The following EPRS1 variants were observed in gnomAD, a reference collection of about 807,000 sequenced individuals.
The protein encoded by EPRS1 is glutamyl-prolyl-tRNA synthetase 1.
Under a neutral mutation model 188.3 loss-of-function variants are expected in EPRS1, and 107 were observed. The observed-to-expected ratio is 0.57, with a 90% CI of 0.49 to 0.67. EPRS1 has a LOEUF of 0.67. EPRS1 is among the 30% of genes least tolerant of loss of function. EPRS1 has a pLI of 0.00. For missense variants in EPRS1, 1,577 were observed against 1,802.2 expected (o/e 0.88, Z 2.26); for synonymous variants, 596 against 593.1 (o/e 1.00, Z -0.07).
chr1:219,970,265 G>C (rs1373626499), intron 30 of EPRS1, among the ~76,000 whole-genome samples: 2 of 152,180 alleles, frequency 1.3e-5, no homozygotes, highest in South Asian at 2.1e-4. Context: ...GCAAAGTTGT[G>C]AATAATCTCC....
At chr1:219,989,809 A>C (rs1027996598) in intron 18 of EPRS1, among the ~76,000 whole-genome samples, 1 of 152,158 alleles carries the variant, frequency 6.6e-6, no homozygotes, top group African/African-American at 2.4e-5. Flanking sequence ...AAAATGTACA[A>C]AGAGAAGATG....
At chr1:219,973,988 G>A (rs908972264) in intron 28 of EPRS1, among the ~76,000 whole-genome samples, 1 of 152,110 alleles carries the variant, frequency 6.6e-6, no homozygotes, top group Admixed American at 6.6e-5. Flanking sequence ...CTGTTGACCA[G>A]ACTGGAGTGC....
At position 220,007,276 on chromosome 1, in the gene EPRS1, A is replaced by G. The variant is rs1349796865; in HGVS notation, c.1668T>C (p.Asp556=). Residue 556 remains aspartate, a synonymous_variant, in exon 14 of 32, where the codon GAT becomes GAC. Coordinates refer to ENST00000366923, the MANE Select transcript of EPRS1 (RefSeq NM_004446.3). ...YSPKVFIEGA[D]AETFSEGEMV... is the part of the protein sequence containing the mutation. ...TCTCACCCTCCGAAAAAGTCTCTGC[A>G]TCAGCACCTTCAATGAAAACTTTGG... 2.2e-5 allele frequency: 36 copies of G among 1,613,962 alleles called. No homozygotes were observed. The highest frequency in any genetic ancestry group is 3.0e-5 in the Non-Finnish European group (35 of 1,179,850).
At chr1:219,971,855 T>C (rs1660674061) in intron 30 of EPRS1, among the ~76,000 whole-genome samples, 4 of 131,666 alleles carry the variant, frequency 3.0e-5, no homozygotes, top group Non-Finnish European at 6.7e-5. Flanking sequence ...AAAGACTATA[T>C]ATTTAGATTA....
intron 2 of EPRS1, among the ~76,000 whole-genome samples, chr1:220,035,744 G>A (rs972488966): frequency 2.6e-5 from 4 of 151,934 alleles, no homozygotes; most frequent in East Asian, 2.0e-4. Flanking sequence ...CACAAGAATC[G>A]CTTGAACTCA....
Position 220,034,932 on chromosome 1 carries a change from A to G in EPRS1, c.213T>C (p.Asn71=). ...TGCTTACCTCAGTATGTTCCATCAG[A>G]TTAGAGCCATATAACCCAGCTGTAG... ...VATTAGLYGS[N]LMEHTEIDHW... is the part of the protein sequence containing the mutation. Residue 71 remains asparagine, a synonymous_variant, in exon 3 of 32, where the codon AAT becomes AAC. Coordinates refer to ENST00000366923, the MANE Select transcript of EPRS1 (RefSeq NM_004446.3). 1 of 1,595,824 alleles carries G rather than the reference A, an allele frequency of 6.3e-7. No homozygotes were observed. Among genetic ancestry groups the G allele is most frequent in the Non-Finnish European group, 8.6e-7 (1 of 1,163,608 alleles).
intron 17 of EPRS1, among the ~76,000 whole-genome samples, chr1:220,000,405 T>A (rs964513023): frequency 6.6e-6 from 1 of 152,196 alleles, no homozygotes; most frequent in Non-Finnish European, 1.5e-5. Context: ...TATATTACGA[T>A]GTATTTTGTC....
intron 2 of EPRS1, among the ~76,000 whole-genome samples, chr1:220,038,630 G>A (rs955978455): frequency 2.0e-5 from 3 of 151,868 alleles, no homozygotes; most frequent in Non-Finnish European, 4.4e-5. Flanking sequence ...CCACTCGCCC[G>A]GCCTCCCAAA....
At chr1:219,970,777 C>CACA (rs552711106) in intron 30 of EPRS1, among the ~76,000 whole-genome samples, 1 of 131,360 alleles carries the variant, frequency 7.6e-6, no homozygotes, top group Non-Finnish European at 1.6e-5. Context: ...GACCCTGTAC[C>CACA]AAAAAAAAAA....
rs55948649 is a variant in EPRS1, at chr1:219,983,450, T to A, written c.3091-52A>T. 2.3e-6 allele frequency: 3 copies of A among 1,316,486 alleles called. No homozygotes were observed. The East Asian group carries it at 7.2e-5, about 31-fold the overall frequency. 81.6% of individuals were successfully genotyped at this position (1,316,486 alleles called of 1,614,324 possible). ...AGCTTACATTGAACCAAAATTCTAG[T>A]ATAAGTGGCAAGAGTATGATAACCA... On this transcript the variant is annotated intron_variant, in intron 21 of 31. Transcript: ENST00000366923.
intron 18 of EPRS1, among the ~76,000 whole-genome samples, chr1:219,992,254 G>C (rs1402747938): frequency 6.6e-6 from 1 of 152,168 alleles, no homozygotes; most frequent in East Asian, 1.9e-4. Flanking sequence ...AGATTGGCAA[G>C]ATGAATTATT....
chr1:220,046,312 C>T, intron 1 of EPRS1, 31 bp downstream of exon 1: 1 of 1,613,792 alleles, frequency 6.2e-7, no homozygotes, highest in East Asian at 2.2e-5. Context: ...GCTGATGCAA[C>T]CCACACAGGT....
Position 219,974,644 on chromosome 1 carries a change from C to T in EPRS1, c.4084-1246G>A, listed in dbSNP as rs1660741014. Among the ~76,000 whole-genome samples the T allele has an allele frequency of 3.3e-5, 5 of 151,888 alleles. No individual in the cohort carries two copies. In the South Asian group the frequency reaches 6.2e-4, roughly 19 times the overall value. ...ATTACTCTAGAAGTCCTTATTTACC[C>T]CTAGGGAAGACTTATTTTACAAAAT... On this transcript the variant is annotated intron_variant, in intron 28 of 31. Coordinates refer to ENST00000366923, the MANE Select transcript of EPRS1 (RefSeq NM_004446.3).
chr1:220,017,546 C>A (rs981829763), intron 12 of EPRS1, among the ~76,000 whole-genome samples: 1 of 152,138 alleles, frequency 6.6e-6, no homozygotes, highest in East Asian at 1.9e-4. Context: ...AAACTAAACA[C>A]GAAAGACCAA....
In EPRS1 at chr1:219,978,739, C is replaced by T; in HGVS notation, c.3910-20G>A. 1 of 1,587,472 alleles carries T rather than the reference C, an allele frequency of 6.3e-7. No homozygotes were observed. Among genetic ancestry groups the T allele is most frequent in the Non-Finnish European group, 8.6e-7 (1 of 1,164,616 alleles). On this transcript the variant is annotated intron_variant, in intron 27 of 31. Transcript: ENST00000366923. ...CACCACCTAGAATCAGCACAATGTC[C>T]CAAATGTATGCAAAGAAACAGATAT... is the stretch of plus-strand genomic sequence containing the variant.
At chr1:220,031,949 T>C (rs1448789499) in intron 5 of EPRS1, among the ~76,000 whole-genome samples, 1 of 152,232 alleles carries the variant, frequency 6.6e-6, no homozygotes, top group Non-Finnish European at 1.5e-5. Flanking sequence ...AACAATTAAA[T>C]GTGAAACCAA....
chr1:219,999,553 A>C (rs1372867123), intron 17 of EPRS1, among the ~76,000 whole-genome samples: 1 of 152,184 alleles, frequency 6.6e-6, no homozygotes, highest in Non-Finnish European at 1.5e-5. Flanking sequence ...ATGATAGTTA[A>C]GAAGTCTTAT....
At chr1:220,041,120 C>T (rs1662285925) in intron 1 of EPRS1, among the ~76,000 whole-genome samples, 2 of 151,452 alleles carry the variant, frequency 1.3e-5, no homozygotes, top group Non-Finnish European at 2.9e-5. Flanking sequence ...TGCTTGAACC[C>T]ACAAGTTCAA....
intron 17 of EPRS1, among the ~76,000 whole-genome samples, chr1:219,998,080 T>C (rs1436446210): frequency 1.3e-5 from 2 of 152,206 alleles, no homozygotes; most frequent in African/African-American, 2.4e-5. Flanking sequence ...TCTTCCCTAC[T>C]GAAACCCTTC....
Sources: allele counts gnomAD v4.1 joint callset (sites outside exome capture counted in the v4.1 genomes callset), GRCh38; gene constraint gnomAD v4.1.1; transcripts MANE v1.5; gene names NCBI Gene and HGNC (gene_info 2026-07-23, HGNC 2026-07-21).